Variants in CRADD observed in about 807,000 individuals in gnomAD.
CRADD encodes the protein CARD and death domain containing adaptor protein.
In CRADD, 9 loss-of-function variants were observed where a neutral mutation model predicts 15.5. The observed-to-expected ratio is 0.58, with a 90% CI of 0.35 to 1.01. The LOEUF (loss-of-function observed/expected upper bound fraction) is 1.01, where lower values mean the gene tolerates loss of function less well. Among genes scored for constraint, CRADD ranks in the 50% least tolerant of loss-of-function variants. The pLI is 0.02. For missense variants in CRADD, 227 were observed against 250.3 expected, an observed-to-expected ratio of 0.91 and a Z score of 0.63; for synonymous variants, 118 against 107.6, an observed-to-expected ratio of 1.10 and a Z score of -0.60.
At chr12:93,856,153 G>A (rs982171355) in intron 2 of CRADD, among the ~76,000 whole-genome samples, 1 of 152,214 alleles carries the variant, frequency 6.6e-6, no homozygotes, top group Non-Finnish European at 1.5e-5. Flanking sequence ...AGAAGTGTGA[G>A]GGTAGAATCA....
At chr12:93,871,951 T>C (rs1040112973) in intron 2 of CRADD, among the ~76,000 whole-genome samples, 1 of 152,194 alleles carries the variant, frequency 6.6e-6, no homozygotes, top group African/African-American at 2.4e-5. Context: ...ATGGATCATA[T>C]GGTAGCTCAA....
At chr12:93,690,754 T>C (rs1426006645) in intron 2 of CRADD, among the ~76,000 whole-genome samples, 1 of 152,222 alleles carries the variant, frequency 6.6e-6, no homozygotes, top group Non-Finnish European at 1.5e-5. Flanking sequence ...GCTCACAGTC[T>C]GTGCTTCTAA....
rs1046354631 is a variant in CRADD, at chr12:93,712,535, G to T, written c.298+33463G>T. The stretch of plus-strand genomic sequence containing the variant: ...TAACATTAAATTAAAGCTTGCGAAA[G>T]TTGAATGGATTGTAAAAGATTGTTT... On this transcript the variant is annotated intron_variant, in intron 2 of 2. Coordinates refer to ENST00000332896, the MANE Select transcript of CRADD (RefSeq NM_003805.5). Among the ~76,000 whole-genome samples, 6 of 152,352 alleles carry T rather than the reference G, an allele frequency of 3.9e-5. No homozygotes were observed. In the East Asian group the frequency reaches 1.2e-3, roughly 29 times the overall value.
intron 2 of CRADD, among the ~76,000 whole-genome samples, chr12:93,832,839 C>A (rs1212949176): frequency 6.6e-6 from 1 of 152,146 alleles, no homozygotes; most frequent in South Asian, 2.1e-4. Context: ...TCTTAAATGT[C>A]TTTTGCTAAT....
At chr12:93,816,012 A>G (rs1393755540) in intron 2 of CRADD, 1 of 152,212 alleles carries the variant, frequency 6.6e-6, no homozygotes, top group African/African-American at 2.4e-5. Context: ...AGGGCTATCT[A>G]ATAGAAATAT....
chr12:93,809,701 T>A (rs1593008448), intron 2 of CRADD, among the ~76,000 whole-genome samples: 1 of 152,208 alleles, frequency 6.6e-6, no homozygotes, highest in South Asian at 2.1e-4. Flanking sequence ...TTCTTTATAA[T>A]TGAATGAACA....
In CRADD at chr12:93,766,093, T is replaced by G. The variant is rs140521382; in HGVS notation, c.299-83877T>G. Among the ~76,000 whole-genome samples, 182 of 152,354 alleles carry G rather than the reference T, an allele frequency of 1.2e-3. 2 individuals are homozygous for G. Among genetic ancestry groups the G allele is most frequent in the African/African-American group, 4.1e-3 (171 of 41,584 alleles). Reference sequence around the variant, plus strand: ...AGGGAAAGCATTCTACAAGAAATCTTATTTTTGAGATATAGCTGGTAAATA... The same window carrying G: ...AGGGAAAGCATTCTACAAGAAATCTGATTTTTGAGATATAGCTGGTAAATA... On this transcript the variant is annotated intron_variant, in intron 2 of 2. Coordinates refer to ENST00000332896, the MANE Select transcript of CRADD (RefSeq NM_003805.5).
In CRADD at chr12:93,780,478, C is replaced by A. The variant is rs375689995; in HGVS notation, c.299-69492C>A. The stretch of plus-strand genomic sequence containing the variant: ...AATGACAAACCTGAAGTTACACAGT[C>A]GGTAAATGATGGGCTGGGATTCAGA... On this transcript the variant is annotated intron_variant, in intron 2 of 2. Coordinates refer to ENST00000332896, the MANE Select transcript of CRADD (RefSeq NM_003805.5). Among the ~76,000 whole-genome samples the A allele has an allele frequency of 4.6e-4, 70 of 152,294 alleles. 1 individual carries two copies. The highest frequency in any genetic ancestry group is 1.2e-3 in the South Asian group (6 of 4,824).
intron 2 of CRADD, among the ~76,000 whole-genome samples, chr12:93,799,852 C>T (rs1221494845): frequency 2.6e-5 from 4 of 152,044 alleles, no homozygotes; most frequent in Admixed American, 6.6e-5. Flanking sequence ...TCAAAGTAGC[C>T]GTGTTATTTA....
chr12:93,798,299 C>A (rs1301200921), intron 2 of CRADD, among the ~76,000 whole-genome samples: 2 of 152,022 alleles, frequency 1.3e-5, no homozygotes, highest in Non-Finnish European at 2.9e-5. Flanking sequence ...GGACACTGCC[C>A]TAGATATAGT....
intron 2 of CRADD, among the ~76,000 whole-genome samples, chr12:93,872,009 C>G (rs1281933204): frequency 6.6e-6 from 1 of 152,172 alleles, no homozygotes; most frequent in Non-Finnish European, 1.5e-5. Context: ...AGTGGTTGTA[C>G]TAATTCACAT....
intron 2 of CRADD, among the ~76,000 whole-genome samples, chr12:93,879,578 G>T (rs528997465): frequency 6.6e-6 from 1 of 151,972 alleles, no homozygotes; most frequent in South Asian, 2.1e-4. Flanking sequence ...ATGGGCAGGT[G>T]GGGGAGGCCA....
At chr12:93,862,924 A>G (rs915650672) in intron 2 of CRADD, among the ~76,000 whole-genome samples, 1 of 152,186 alleles carries the variant, frequency 6.6e-6, no homozygotes, top group African/African-American at 2.4e-5. Flanking sequence ...AAAGGTATGA[A>G]CAGTATCTTG....
At chr12:93,722,987 C>T (rs981143869) in intron 2 of CRADD, among the ~76,000 whole-genome samples, 2 of 152,148 alleles carry the variant, frequency 1.3e-5, no homozygotes, top group Non-Finnish European at 2.9e-5. Context: ...ACCATCTTTG[C>T]AAAAATTATG....
At chr12:93,691,417 C>A (rs1474091515) in intron 2 of CRADD, among the ~76,000 whole-genome samples, 2 of 152,002 alleles carry the variant, frequency 1.3e-5, no homozygotes, top group Non-Finnish European at 2.9e-5. Flanking sequence ...CCATGCCTGG[C>A]TAATTTTTGT....
intron 2 of CRADD, among the ~76,000 whole-genome samples, chr12:93,810,394 T>C (rs1957609833): frequency 6.6e-6 from 1 of 150,876 alleles, no homozygotes; most frequent in Non-Finnish European, 1.5e-5. Context: ...ACTAAAAATA[T>C]AAAAAAATTA....
At chr12:93,710,030 A>G (rs140412077) in intron 2 of CRADD, among the ~76,000 whole-genome samples, 1 of 152,330 alleles carries the variant, frequency 6.6e-6, no homozygotes, top group East Asian at 1.9e-4. Context: ...TCCAAAATAT[A>G]GTGACTTAAA....
At chr12:93,758,133 G>C (rs957933026) in intron 2 of CRADD, among the ~76,000 whole-genome samples, 1 of 152,228 alleles carries the variant, frequency 6.6e-6, no homozygotes, top group Non-Finnish European at 1.5e-5. Context: ...CCTCATTGCT[G>C]CTGTTATCAT....
At chr12:93,829,116 T>C (rs1957859173) in intron 2 of CRADD, among the ~76,000 whole-genome samples, 1 of 149,038 alleles carries the variant, frequency 6.7e-6, no homozygotes, top group African/African-American at 2.4e-5. Context: ...TTATTTCCTA[T>C]GATTTCACCT....
Sources: allele counts gnomAD v4.1 joint callset (sites outside exome capture counted in the v4.1 genomes callset), GRCh38; gene constraint gnomAD v4.1.1; transcripts MANE v1.5; gene names NCBI Gene and HGNC (gene_info 2026-07-23, HGNC 2026-07-21).